Variants in CDK18 observed in about 807,000 individuals in gnomAD.
CDK18 encodes cyclin-dependent kinase 18.
In CDK18, 52 loss-of-function variants were observed where a neutral mutation model predicts 62.0. The observed-to-expected ratio is 0.84, with a 90% confidence interval of 0.67 to 1.06. The LOEUF (loss-of-function observed/expected upper bound fraction) is 1.06, where lower values mean the gene tolerates loss of function less well. CDK18 is among the 50% of genes least tolerant of loss of function. CDK18 has a pLI of 0.00. For missense variants in CDK18, 604 were observed against 619.9 expected, an observed-to-expected ratio of 0.97 and a Z score of 0.27; for synonymous variants, 237 against 247.0, an observed-to-expected ratio of 0.96 and a Z score of 0.38.
intron 1 of CDK18, among the ~76,000 whole-genome samples, chr1:205,515,557 G>A (rs1362520950): frequency 3.3e-5 from 5 of 152,150 alleles, no homozygotes; most frequent in Non-Finnish European, 7.3e-5. Context: ...GATGGCAGTT[G>A]GATTGGAGGC....
chr1:205,508,123 T>G (rs1485263292), intron 1 of CDK18, among the ~76,000 whole-genome samples: 1 of 152,244 alleles, frequency 6.6e-6, no homozygotes, highest in Non-Finnish European at 1.5e-5. Flanking sequence ...GTGGCTGGCC[T>G]GGTTCCAGGC....
chr1:205,514,349 C>T (rs1333474957), intron 1 of CDK18, among the ~76,000 whole-genome samples: 1 of 152,082 alleles, frequency 6.6e-6, no homozygotes. Flanking sequence ...CCTCTGAAAC[C>T]CAAGAAAACT....
chr1:205,507,840 C>T (rs930568611), intron 1 of CDK18, among the ~76,000 whole-genome samples: 2 of 152,112 alleles, frequency 1.3e-5, no homozygotes, highest in Non-Finnish European at 2.9e-5. Flanking sequence ...CTTTACTGCT[C>T]TTCCAGGTTA....
chr1:205,529,980 A>G, intron 13 of CDK18: 2 of 1,394,000 alleles, frequency 1.4e-6, no homozygotes, highest in South Asian at 1.5e-5. Context: ...CCATCTGATC[A>G]TGGTTGGTTT....
At chr1:205,509,707 A>C (rs1017098473) in intron 1 of CDK18, among the ~76,000 whole-genome samples, 1 of 152,148 alleles carries the variant, frequency 6.6e-6, no homozygotes, top group African/African-American at 2.4e-5. Flanking sequence ...CTTTGGCCCC[A>C]CTTGATATTT....
chr1:205,511,819 C>T lies in CDK18; in HGVS notation c.-22+7023C>T, dbSNP rs548546775. Among the ~76,000 whole-genome samples the T allele has an allele frequency of 2.6e-5, 4 of 152,218 alleles. No homozygotes were observed. In the East Asian group the frequency reaches 7.7e-4, roughly 29 times the overall value. On this transcript the variant is annotated intron_variant, in intron 1 of 15. Transcript: ENST00000429964. ...CTATAATCCTAGCACTTTGGGAGGC[C>T]GAGGCGGGCGGATTACCTGAGTTCA...
At position 205,517,277 on chromosome 1, in the gene CDK18, C is replaced by T. The variant is rs913509650; in HGVS notation, c.-21-5870C>T. Among the ~76,000 whole-genome samples the T allele has an allele frequency of 6.6e-6, 1 of 152,230 alleles. No homozygotes were observed. Among genetic ancestry groups the T allele is most frequent in the Non-Finnish European group, 1.5e-5 (1 of 68,026 alleles). On this transcript the variant is annotated intron_variant, in intron 1 of 15. Transcript: ENST00000429964. This position sits in a 1 kb window ranked among gnomAD's most constrained non-coding sequence, Gnocchi z 4.1. ...CCCTGCCTCCCTGGCCCTTCTCCCC[C>T]TCACATCTGCCAAGAGATGATCCTG... is the stretch of plus-strand genomic sequence containing the variant.
chr1:205,523,763 G>A, intron 3 of CDK18, 138 bp downstream of exon 3: 2 of 1,130,804 alleles, frequency 1.8e-6, no homozygotes, highest in Non-Finnish European at 2.5e-6. Context: ...GTGACTTTGA[G>A]CAAGTTACTC....
At chr1:205,522,261 A>G (rs1345240527) in intron 1 of CDK18, among the ~76,000 whole-genome samples, 1 of 151,612 alleles carries the variant, frequency 6.6e-6, no homozygotes, top group East Asian at 1.9e-4. Flanking sequence ...TGGGGACAGG[A>G]CCGTGGGGGT....
chr1:205,512,344 G>A (rs1319047419), intron 1 of CDK18, among the ~76,000 whole-genome samples: 5 of 152,240 alleles, frequency 3.3e-5, no homozygotes, highest in Non-Finnish European at 2.9e-5. Context: ...GGAAGAAGCA[G>A]GAGGAGACCC....
rs772684977 is a variant in CDK18, at chr1:205,531,475, C to T, written c.*97C>T. 5.0e-5 allele frequency: 58 copies of T among 1,152,450 alleles called. No homozygotes were observed. Among genetic ancestry groups the T allele is most frequent in the East Asian group, 1.6e-4 (7 of 42,432 alleles). 71.4% of individuals were successfully genotyped at this position (1,152,450 alleles called of 1,614,324 possible). ...GTGTGGCCCTCGGAGGACTGAAGAA[C>T]GAGGGCTGACAGCCAGCCTGGAAGA... On this transcript the variant is annotated 3_prime_UTR_variant, in exon 16 of 16. Coordinates refer to ENST00000429964, the MANE Select transcript of CDK18 (RefSeq NM_212502.3).
chr1:205,518,812 C>T (rs1286258886), intron 1 of CDK18, among the ~76,000 whole-genome samples: 3 of 152,212 alleles, frequency 2.0e-5, no homozygotes, highest in Non-Finnish European at 2.9e-5. Context: ...TTCTGTGCCA[C>T]CCATGGCTCT....
In CDK18 at chr1:205,532,548, C is replaced by G. The variant is rs750490865; in HGVS notation, c.*1170C>G. On this transcript the variant is annotated 3_prime_UTR_variant, in exon 16 of 16. Transcript: ENST00000429964. Reference sequence around the variant, plus strand: ...GCTCTGATGCTGAGAGGCTTGCCTCCGGGGGCTGGAAGCCTGGGTGGCCGG... The same window carrying G: ...GCTCTGATGCTGAGAGGCTTGCCTCGGGGGGCTGGAAGCCTGGGTGGCCGG... 6.6e-6 allele frequency: 1 copy of G among 152,484 alleles called. No homozygotes were observed. The highest frequency in any genetic ancestry group is 1.5e-5 in the Non-Finnish European group (1 of 68,268). The allele number at this position is 152,484 out of a possible 1,614,324, so 9.4% of individuals were successfully genotyped here.
At chr1:205,506,441 G>C (rs377224077) in intron 1 of CDK18, among the ~76,000 whole-genome samples, 1 of 152,110 alleles carries the variant, frequency 6.6e-6, no homozygotes, top group Non-Finnish European at 1.5e-5. Context: ...AGCTCTCCAC[G>C]CGTGCCAGAA....
At chr1:205,519,155 C>G (rs1295574652) in intron 1 of CDK18, among the ~76,000 whole-genome samples, 1 of 152,172 alleles carries the variant, frequency 6.6e-6, no homozygotes, top group Non-Finnish European at 1.5e-5. Context: ...CCTTCTGTCC[C>G]CACTTGGGGG....
Position 205,530,661 on chromosome 1 carries a change from T to C in CDK18, c.1346T>C (p.Leu449Pro). The C allele has an allele frequency of 6.2e-7, 1 of 1,613,882 alleles. No homozygotes were observed. Among genetic ancestry groups the C allele is most frequent in the Non-Finnish European group, 8.5e-7 (1 of 1,180,018 alleles). ...ATCTTCTCCCTGAAGGAGATCCAGC[T>C]CCAGAAGGACCCAGGCTACCGAGGC... ...ASIFSLKEIQ[L>P]QKDPGYRGLA... The change falls in exon 15 of 16, where the codon CTC becomes CCC. Residue 449 changes from leucine (L) to proline (P), a missense_variant. Leu to Pro is a moderately conservative substitution (Grantham distance 98). Coordinates refer to ENST00000429964, the MANE Select transcript of CDK18 (RefSeq NM_212502.3).
rs1305467423 is a variant in CDK18 at position 205,529,100 on chromosome 1, A to G, written c.1072+4A>G. ...CACCTCATCTTTCGCCTCCTCGGTC[A>G]GTCTCCCGCTGCTCCGTCCCTCTCA... On this transcript the variant is annotated splice_donor_region_variant and intron_variant, in intron 11 of 15. Transcript: ENST00000429964. 14 of 1,570,488 alleles carry G rather than the reference A, an allele frequency of 8.9e-6. No homozygotes were observed. The highest frequency in any genetic ancestry group is 8.1e-5 in the African/African-American group (6 of 74,072).
intron 1 of CDK18, among the ~76,000 whole-genome samples, chr1:205,509,406 A>G (rs959802963): frequency 1.3e-5 from 2 of 152,088 alleles, no homozygotes; most frequent in African/African-American, 4.8e-5. Context: ...ATCATTATTT[A>G]TATGTTGAGT....
rs535992768 is a variant in CDK18 at position 205,526,686 on chromosome 1, C to T, written c.667-89C>T. The stretch of plus-strand genomic sequence containing the variant: ...CCCACTAGTGGGCGTGGGCCCTTCC[C>T]AGGGAGGGGCTTCCTCTCCTCAGCC... On this transcript the variant is annotated intron_variant, in intron 7 of 15. Transcript: ENST00000429964. 1.2e-5 allele frequency: 16 copies of T among 1,320,262 alleles called. No individual in the cohort carries two copies. In the African/African-American group the frequency reaches 2.3e-4, roughly 19 times the overall value. The allele number at this position is 1,320,262 out of a possible 1,614,324, so 81.8% of individuals were successfully genotyped here. A position where few individuals can be genotyped will look rare whatever the true frequency, so the allele number is the denominator to read the frequency against.
Sources: allele counts gnomAD v4.1 joint callset (sites outside exome capture counted in the v4.1 genomes callset), GRCh38; gene constraint gnomAD v4.1.1; non-coding constraint Gnocchi (gnomAD v3.1); transcripts MANE v1.5; gene names NCBI Gene and HGNC (gene_info 2026-07-23, HGNC 2026-07-21).